SLC4A4: variants seen among roughly 807,000 people sequenced by gnomAD.
The protein encoded by SLC4A4 is electrogenic sodium bicarbonate cotransporter 1.
Under a neutral mutation model 111.5 loss-of-function variants are expected in SLC4A4, and 27 were observed. The observed-to-expected ratio is 0.24, with a 90% CI of 0.18 to 0.33. The LOEUF (loss-of-function observed/expected upper bound fraction) is 0.33, where lower values mean the gene tolerates loss of function less well. SLC4A4 is among the 10% of genes least tolerant of loss of function. SLC4A4 has a pLI of 1.00. For synonymous variants in SLC4A4, 443 were observed against 463.4 expected (o/e 0.96, Z 0.57); for missense variants, 909 against 1,315.5 (o/e 0.69, Z 4.78).
At chr4:71,293,989 G>C (rs1724584856) in intron 3 of SLC4A4, among the ~76,000 whole-genome samples, 1 of 152,110 alleles carries the variant, frequency 6.6e-6, no homozygotes, top group African/African-American at 2.4e-5. Context: ...TGGAATACAT[G>C]ATAAAGAAAT....
At chr4:71,194,279 A>G (rs1026828579) in intron 1 of SLC4A4, among the ~76,000 whole-genome samples, 2 of 152,206 alleles carry the variant, frequency 1.3e-5, no homozygotes, top group African/African-American at 4.8e-5. Context: ...AGCACTGTAA[A>G]TGGCCATACA....
chr4:71,516,080 CTTTTTTTTTTTTTTTTTTTT>C (rs60338885), intron 16 of SLC4A4, among the ~76,000 whole-genome samples: 10 of 30,614 alleles, frequency 3.3e-4, no homozygotes, highest in South Asian at 1.8e-3. Context: ...TGGGGGATTT[CTTTTTTTTTTTTTTTTTTTT>C]TTTTTTTTTT....
chr4:71,506,942 A>T (rs1394358736), intron 16 of SLC4A4, among the ~76,000 whole-genome samples: 5 of 152,202 alleles, frequency 3.3e-5, no homozygotes, highest in African/African-American at 4.8e-5. Flanking sequence ...GCCAATATTT[A>T]ACATCTTAAA....
At chr4:71,237,695 G>A in intron 2 of SLC4A4, among the ~76,000 whole-genome samples, 1 of 152,246 alleles carries the variant, frequency 6.6e-6, no homozygotes, top group South Asian at 2.1e-4. Flanking sequence ...GTGCCACTTG[G>A]AACAGTTTGA....
intron 6 of SLC4A4, among the ~76,000 whole-genome samples, chr4:71,371,090 G>T (rs1167683991): frequency 6.6e-6 from 1 of 152,104 alleles, no homozygotes; most frequent in Non-Finnish European, 1.5e-5. Flanking sequence ...GTGCAAAGTA[G>T]TGTTAAATAC....
At chr4:71,181,036 TAAAA>T (rs1271741371) in intron 2 of SLC4A4, among the ~76,000 whole-genome samples, 1 of 151,864 alleles carries the variant, frequency 6.6e-6, no homozygotes, top group African/African-American at 2.4e-5. Flanking sequence ...TATGCAGCCA[TAAAA>T]AATGATGAGT....
chr4:71,388,308 T>C (rs1232980192), intron 6 of SLC4A4, among the ~76,000 whole-genome samples: 1 of 152,118 alleles, frequency 6.6e-6, no homozygotes, highest in Non-Finnish European at 1.5e-5. Context: ...TGTGTGAATA[T>C]GAGACAGAGA....
chr4:71,350,191 T>C (rs1430094112), intron 5 of SLC4A4, 119 bp downstream of exon 5: 1 of 1,001,298 alleles, frequency 1.0e-6, no homozygotes, highest in East Asian at 2.4e-5. Flanking sequence ...ATTTATTCTC[T>C]CTTTTTGCAT....
At chr4:71,103,249 A>G (rs1168578620) in intron 2 of SLC4A4, among the ~76,000 whole-genome samples, 2 of 151,472 alleles carry the variant, frequency 1.3e-5, no homozygotes, top group East Asian at 3.9e-4. Flanking sequence ...CACCCAATAC[A>G]GGAGCACCCA....
At chr4:71,244,160 G>A (rs1475517672) in intron 2 of SLC4A4, among the ~76,000 whole-genome samples, 1 of 152,130 alleles carries the variant, frequency 6.6e-6, no homozygotes, top group African/African-American at 2.4e-5. Context: ...TAATGGATAC[G>A]TGTGTTTGAC....
At chr4:71,258,074 T>C (rs1054665678) in intron 3 of SLC4A4, among the ~76,000 whole-genome samples, 38 of 152,216 alleles carry the variant, frequency 2.5e-4, no homozygotes, top group African/African-American at 8.7e-4. Flanking sequence ...GTCCTTCCTC[T>C]GCTGAAAACT....
intron 19 of SLC4A4, 102 bp downstream of exon 19, chr4:71,546,630 GA>G: frequency 1.0e-6 from 1 of 985,602 alleles, no homozygotes; most frequent in Non-Finnish European, 1.6e-6. Flanking sequence ...CAGGGCTTGT[GA>G]TGATTAATTT....
At chr4:71,303,102 C>T (rs1725397639) in intron 3 of SLC4A4, among the ~76,000 whole-genome samples, 1 of 152,196 alleles carries the variant, frequency 6.6e-6, no homozygotes, top group Non-Finnish European at 1.5e-5. Context: ...TCATTTTCCT[C>T]TGCTTTAGTC....
chr4:71,351,966 A>G (rs1455438187), intron 5 of SLC4A4, among the ~76,000 whole-genome samples: 1 of 152,200 alleles, frequency 6.6e-6, no homozygotes, highest in African/African-American at 2.4e-5. Context: ...AAGGCAGGTG[A>G]AGCTGAAAAT....
intron 2 of SLC4A4, among the ~76,000 whole-genome samples, chr4:71,124,031 T>C (rs1030194693): frequency 6.6e-6 from 1 of 152,198 alleles, no homozygotes; most frequent in African/African-American, 2.4e-5. Context: ...TGTGCACTAC[T>C]TTGATTTCTC....
intron 5 of SLC4A4, 83 bp downstream of exon 5, chr4:71,350,155 G>T: frequency 1.5e-6 from 2 of 1,311,778 alleles, no homozygotes; most frequent in Non-Finnish European, 2.2e-6. Flanking sequence ...GACTAGTACT[G>T]TAAGCAGAGT....
chr4:71,151,245 G>A (rs985413057), intron 2 of SLC4A4, among the ~76,000 whole-genome samples: 2 of 152,174 alleles, frequency 1.3e-5, no homozygotes, highest in African/African-American at 4.8e-5. Flanking sequence ...ACTAACATTT[G>A]TTGTGTGTTT....
chr4:71,293,526 G>A lies in SLC4A4; in HGVS notation c.253+38127G>A, dbSNP rs148747517. Reference sequence around the variant, plus strand: ...TGCAATGAGCCAAGATCACACCACTGCACTCCAGCCTGGGCGACTCCGTCT... The same window carrying A: ...TGCAATGAGCCAAGATCACACCACTACACTCCAGCCTGGGCGACTCCGTCT... On this transcript the variant is annotated intron_variant, in intron 3 of 25. Transcript: ENST00000264485. Among the ~76,000 whole-genome samples the A allele has an allele frequency of 9.1e-3, 1,366 of 150,670 alleles. 25 individuals are homozygous for A. The highest frequency in any genetic ancestry group is 0.032 in the African/African-American group (1,314 of 40,824).
chr4:71,234,535 C>T (rs1266402367), intron 1 of SLC4A4, among the ~76,000 whole-genome samples: 1 of 152,202 alleles, frequency 6.6e-6, no homozygotes, highest in African/African-American at 2.4e-5. Context: ...AAGTTATCCT[C>T]CTGCCTCAGC....
Sources: gnomAD v4.1 joint callset for allele counts (sites outside exome capture counted in the v4.1 genomes callset) on GRCh38, gnomAD v4.1.1 for gene constraint, MANE v1.5 for transcripts, NCBI Gene and HGNC (gene_info 2026-07-23, HGNC 2026-07-21) for gene names.